Variants in SERINC5 observed in about 807,000 individuals in gnomAD.
The protein encoded by SERINC5 is chromosome 5 open reading frame 12.
A neutral mutation model predicts 63.1 loss-of-function variants in SERINC5; 41 were observed. The observed-to-expected ratio is 0.65, with a 90% CI of 0.51 to 0.84. The LOEUF (loss-of-function observed/expected upper bound fraction) is 0.84, where lower values mean the gene tolerates loss of function less well. Ranked by LOEUF, SERINC5 falls within the 40% of genes least tolerant of loss-of-function variation. The pLI is 0.00. For synonymous variants in SERINC5, 222 were observed against 215.2 expected, an observed-to-expected ratio of 1.03 and a Z score of -0.28; for missense variants, 523 against 573.0, an observed-to-expected ratio of 0.91 and a Z score of 0.89.
At chr5:80,175,880 AAAAAAG>A (rs1175550862) in intron 4 of SERINC5, among the ~76,000 whole-genome samples, 2 of 146,110 alleles carry the variant, frequency 1.4e-5, no homozygotes, top group Admixed American at 6.9e-5. Context: ...AAAAAAAAAA[AAAAAAG>A]GACTGAGCTT....
intron 1 of SERINC5, among the ~76,000 whole-genome samples, chr5:80,229,712 A>C (rs1751354866): frequency 6.6e-6 from 1 of 152,194 alleles, no homozygotes; most frequent in Non-Finnish European, 1.5e-5. Context: ...ATTACATGAA[A>C]TCACCCATGT....
chr5:80,245,693 CA>C (rs751349910), intron 1 of SERINC5, among the ~76,000 whole-genome samples: 3 of 152,042 alleles, frequency 2.0e-5, no homozygotes, highest in Non-Finnish European at 4.4e-5. Flanking sequence ...CAGCTCACTA[CA>C]ACCTCAGCCT....
intron 7 of SERINC5, among the ~76,000 whole-genome samples, chr5:80,160,126 C>T (rs1746789269): frequency 6.6e-6 from 1 of 152,126 alleles, no homozygotes; most frequent in African/African-American, 2.4e-5. Flanking sequence ...GAGCCTTCGA[C>T]CTGTGGGATC....
chr5:80,238,658 C>A (rs778789425), intron 1 of SERINC5, among the ~76,000 whole-genome samples: 7 of 151,868 alleles, frequency 4.6e-5, no homozygotes, highest in Non-Finnish European at 8.8e-5. Context: ...TGGCAGGCAC[C>A]TGTAATCCCA....
At chr5:80,137,708 G>A (rs1378991507), downstream of SERINC5, among the ~76,000 whole-genome samples, 1 of 88,048 alleles carries the variant, frequency 1.1e-5, no homozygotes, top group African/African-American at 3.9e-5. Flanking sequence ...TTGGGAGGCT[G>A]AGGCAGGATG....
chr5:80,178,212 T>C (rs1300246077), intron 2 of SERINC5, 148 bp from the exon 3 acceptor site: 1 of 505,030 alleles, frequency 2.0e-6, no homozygotes, highest in African/African-American at 2.0e-5. Flanking sequence ...TCTAAAGAGA[T>C]ATTTTTCTAA....
At chr5:80,124,598 T>C (rs1271189735) in intron 11 of SERINC5, among the ~76,000 whole-genome samples, 2 of 152,164 alleles carry the variant, frequency 1.3e-5, no homozygotes, top group Admixed American at 1.3e-4. Flanking sequence ...TGCACAGCCA[T>C]GGGAAGACCC....
chr5:80,233,109 G>T (rs577576558), intron 1 of SERINC5, among the ~76,000 whole-genome samples: 66 of 152,258 alleles, frequency 4.3e-4, no homozygotes, highest in African/African-American at 1.5e-3. Context: ...TATGCTATGT[G>T]AAACTACTTT....
intron 1 of SERINC5, among the ~76,000 whole-genome samples, chr5:80,252,423 AAAGGAG>A (rs894451958): frequency 4.4e-4 from 67 of 152,220 alleles, no homozygotes; most frequent in African/African-American, 1.6e-3. Flanking sequence ...CCCTTAAGTT[AAAGGAG>A]AACAAGGAAG....
In SERINC5 at chr5:80,142,550, AGT is replaced by A. The variant is rs1745574265; in HGVS notation, c.*1111_*1112del. 1 of 985,322 alleles carries A rather than the reference AGT, an allele frequency of 1.0e-6. No homozygotes were observed. Among genetic ancestry groups the A allele is most frequent in the African/African-American group, 1.7e-5 (1 of 57,230 alleles). The allele number at this position is 985,322 out of a possible 1,614,324, so 61.0% of individuals were successfully genotyped here. A position where few individuals can be genotyped will look rare whatever the true frequency, so the allele number is the denominator to read the frequency against. Reference sequence around the variant, plus strand: ...ATTGCCTAACAAGCTTCTTCTGGTCAGTGTGTCTGAGATCCTCACCTCAGAAA... The same window carrying A: ...ATTGCCTAACAAGCTTCTTCTGGTCAGTGTCTGAGATCCTCACCTCAGAAA... On this transcript the variant is annotated 3_prime_UTR_variant, in exon 12 of 12. Coordinates refer to ENST00000507668, the MANE Select transcript of SERINC5 (RefSeq NM_001174072.3).
intron 11 of SERINC5, among the ~76,000 whole-genome samples, chr5:80,130,671 T>C (rs375823149): frequency 1.1e-4 from 17 of 152,204 alleles, no homozygotes; most frequent in African/African-American, 4.1e-4. Context: ...ATTCCCTAAA[T>C]AGAGTTTAGA....
chr5:80,160,922 G>A (rs1034814747), intron 7 of SERINC5, among the ~76,000 whole-genome samples: 1 of 75,582 alleles, frequency 1.3e-5, no homozygotes, highest in African/African-American at 9.2e-5. Flanking sequence ...ATATATATAT[G>A]TGTGTGTGTG....
rs146297911 is a variant in SERINC5, at chr5:80,177,365, G to A, written c.407C>T (p.Ala136Val). 60 of 1,613,622 alleles carry A rather than the reference G, an allele frequency of 3.7e-5. No individual in the cohort carries two copies. In the East Asian group the frequency reaches 9.6e-4, roughly 26 times the overall value. ...FWFFKLLLLG[A>V]MCSGAFFIPD... Reference sequence around the variant, plus strand: ...AATGAAGAAAGCTCCTGAGCACATGGCCCCCAACAGCAGAAGTTTAAAGAA... The same window carrying A: ...AATGAAGAAAGCTCCTGAGCACATGACCCCCAACAGCAGAAGTTTAAAGAA... The change falls in exon 4 of 12, where the codon GCC (alanine) becomes GTC (valine). Residue 136 changes from alanine (A) to valine (V), a missense_variant. Ala to Val is a moderately conservative substitution (Grantham distance 64). Transcript: ENST00000507668.
At chr5:80,152,520 T>A (rs1182169747) in intron 8 of SERINC5, among the ~76,000 whole-genome samples, 1 of 151,554 alleles carries the variant, frequency 6.6e-6, no homozygotes, top group Non-Finnish European at 1.5e-5. Flanking sequence ...GTGGCACATA[T>A]CCTGTGCATA....
chr5:80,224,878 C>T (rs2112548084), intron 1 of SERINC5, among the ~76,000 whole-genome samples: 1 of 151,614 alleles, frequency 6.6e-6, no homozygotes, highest in East Asian at 1.9e-4. Context: ...CCTGCCTTGG[C>T]CTCCCAAAGT....
chr5:80,238,103 C>CAAAAAAA (rs759062486), intron 1 of SERINC5, among the ~76,000 whole-genome samples: 12 of 65,568 alleles, frequency 1.8e-4, no homozygotes, highest in Non-Finnish European at 2.4e-4. Context: ...GACTCTGTCT[C>CAAAAAAA]AAAAAAAAAA....
intron 1 of SERINC5, among the ~76,000 whole-genome samples, chr5:80,211,815 C>A (rs1453541789): frequency 6.6e-6 from 1 of 152,172 alleles, no homozygotes; most frequent in Non-Finnish European, 1.5e-5. Context: ...ACGACAATGG[C>A]CCAGGCAGCA....
At chr5:80,197,373 G>C (rs1749579661) in intron 2 of SERINC5, among the ~76,000 whole-genome samples, 1 of 151,332 alleles carries the variant, frequency 6.6e-6, no homozygotes, top group African/African-American at 2.4e-5. Flanking sequence ...GAACGGACCA[G>C]ACACAGAGGG....
chr5:80,246,375 AT>A (rs1409565265), intron 1 of SERINC5, among the ~76,000 whole-genome samples: 2 of 152,250 alleles, frequency 1.3e-5, no homozygotes, highest in African/African-American at 2.4e-5. Context: ...TTATAAAAAA[AT>A]GATACTTAAA....
Sources: allele counts gnomAD v4.1 joint callset (sites outside exome capture counted in the v4.1 genomes callset), GRCh38; gene constraint gnomAD v4.1.1; transcripts MANE v1.5; gene names NCBI Gene and HGNC (gene_info 2026-07-23, HGNC 2026-07-21).